CDKAL1: variants seen among roughly 807,000 people sequenced by gnomAD.
CDKAL1 encodes threonylcarbamoyladenosine tRNA methylthiotransferase.
A neutral mutation model predicts 68.2 loss-of-function variants in CDKAL1; 32 were observed. The ratio of observed to expected loss-of-function variants is 0.47; its 90% confidence interval spans 0.35 to 0.63. CDKAL1 has a LOEUF of 0.63. Ranked by LOEUF, CDKAL1 falls within the 30% of genes least tolerant of loss-of-function variation. CDKAL1 has a pLI of 0.00. For missense variants in CDKAL1, 606 were observed against 696.7 expected (o/e 0.87, Z 1.47); for synonymous variants, 234 against 244.3 (o/e 0.96, Z 0.39).
intron 9 of CDKAL1, among the ~76,000 whole-genome samples, chr6:20,951,446 A>G (rs2150718988): frequency 6.6e-6 from 1 of 152,274 alleles, no homozygotes. Flanking sequence ...TAGGTCTTCT[A>G]CTTCCGTCTC....
chr6:20,860,420 T>C (rs1302456336), intron 9 of CDKAL1, among the ~76,000 whole-genome samples: 1 of 152,230 alleles, frequency 6.6e-6, no homozygotes, highest in East Asian at 1.9e-4. Flanking sequence ...CATTTATCTG[T>C]TTATTCATTT....
chr6:20,844,983 A>G (rs1778323764), intron 8 of CDKAL1, among the ~76,000 whole-genome samples: 1 of 152,230 alleles, frequency 6.6e-6, no homozygotes, highest in Non-Finnish European at 1.5e-5. Flanking sequence ...GGTCGGTTAA[A>G]TAGTTAAACA....
chr6:20,729,758 A>C (rs569897000), intron 5 of CDKAL1, among the ~76,000 whole-genome samples: 1 of 152,320 alleles, frequency 6.6e-6, no homozygotes, highest in African/African-American at 2.4e-5. Context: ...AGCCTGGCTT[A>C]AGTCTGGGTG....
intron 4 of CDKAL1, among the ~76,000 whole-genome samples, chr6:20,563,395 G>C (rs1015597490): frequency 2.1e-5 from 3 of 143,574 alleles, no homozygotes; most frequent in African/African-American, 4.9e-5. Flanking sequence ...AATTAAGCCA[G>C]AGAAGCTTTA....
At chr6:20,963,396 G>C (rs188912603) in intron 10 of CDKAL1, among the ~76,000 whole-genome samples, 76 of 151,760 alleles carry the variant, frequency 5.0e-4, no homozygotes, top group African/African-American at 1.8e-3. Context: ...CCTTGTCCAG[G>C]CCTCAGCCCC....
chr6:20,763,361 G>A (rs1419496504), intron 7 of CDKAL1, among the ~76,000 whole-genome samples: 1 of 152,136 alleles, frequency 6.6e-6, no homozygotes, highest in Non-Finnish European at 1.5e-5. Context: ...GTTGTTGCTA[G>A]CCTCAGAGTA....
chr6:20,835,064 T>C (rs530906134), intron 8 of CDKAL1, among the ~76,000 whole-genome samples: 1 of 152,266 alleles, frequency 6.6e-6, no homozygotes, highest in African/African-American at 2.4e-5. Flanking sequence ...TGAAAACCAA[T>C]TTATCCTGCA....
At chr6:21,193,845 CT>C (rs1778358356) in intron 13 of CDKAL1, among the ~76,000 whole-genome samples, 1 of 152,220 alleles carries the variant, frequency 6.6e-6, no homozygotes, top group African/African-American at 2.4e-5. Context: ...TTAAACATTT[CT>C]GCTGAACAAT....
rs937160598 is a variant in CDKAL1, at chr6:20,943,334, AAAAAAAAAAAG to A, written c.743-12079_743-12069del. On this transcript the variant is annotated intron_variant, in intron 9 of 15. Coordinates refer to ENST00000274695, the MANE Select transcript of CDKAL1 (RefSeq NM_017774.3). ...CCTCATTACCTTGTTTTTTCAAAAA[AAAAAAAAAAAG>A]AAAAAGAAAAAAAGAAAAAAAAAGT... Among the ~76,000 whole-genome samples, 21 of 87,150 alleles carry A rather than the reference AAAAAAAAAAAG, an allele frequency of 2.4e-4. No individual in the cohort carries two copies. The East Asian group carries it at 0.014, about 57-fold the overall frequency. 57.2% of individuals were successfully genotyped at this position (87,150 alleles called of 152,430 possible).
At chr6:20,685,274 T>C (rs1302269553) in intron 5 of CDKAL1, among the ~76,000 whole-genome samples, 1 of 152,248 alleles carries the variant, frequency 6.6e-6, no homozygotes, top group Non-Finnish European at 1.5e-5. Flanking sequence ...TACCATCATA[T>C]TGCTTTCGCT....
In CDKAL1 at chr6:21,230,903, C is replaced by T. The variant is rs1779948654; in HGVS notation, c.1604C>T (p.Ala535Val). The change falls in exon 16 of 16, where the codon GCA becomes GTA. Residue 535 changes from alanine to valine, a missense_variant. Ala to Val is a moderately conservative substitution (Grantham distance 64). Coordinates refer to ENST00000274695, the MANE Select transcript of CDKAL1 (RefSeq NM_017774.3). ...QLSSGSHTSA[A>V]SQCDSASSRM... is the part of the protein sequence containing the mutation. Reference sequence around the variant, plus strand: ...AGTTCAGGATCCCACACCTCTGCTGCATCTCAGTGTGACTCAGCGAGTTCC... The same window carrying T: ...AGTTCAGGATCCCACACCTCTGCTGTATCTCAGTGTGACTCAGCGAGTTCC... 6.2e-7 allele frequency: 1 copy of T among 1,613,796 alleles called. No homozygotes were observed. Among genetic ancestry groups the T allele is most frequent in the African/African-American group, 1.3e-5 (1 of 74,940 alleles).
intron 6 of CDKAL1, among the ~76,000 whole-genome samples, chr6:20,749,535 ATTTTCTTTTTTTTC>A (rs1193869796): frequency 4.0e-5 from 6 of 148,574 alleles, no homozygotes; most frequent in Non-Finnish European, 7.4e-5. Context: ...CTAATCCCAG[ATTTTCTTTTTTTTC>A]TTTTCTTTTT....
At chr6:20,713,265 G>C (rs909737026) in intron 5 of CDKAL1, among the ~76,000 whole-genome samples, 4 of 152,144 alleles carry the variant, frequency 2.6e-5, no homozygotes, top group Non-Finnish European at 5.9e-5. Flanking sequence ...TTAGAAAAGA[G>C]CTTACACTAA....
At chr6:21,191,718 T>C (rs1327599904) in intron 13 of CDKAL1, among the ~76,000 whole-genome samples, 2 of 151,346 alleles carry the variant, frequency 1.3e-5, no homozygotes, top group Non-Finnish European at 2.9e-5. Flanking sequence ...TTTGTCTGTC[T>C]AGGGGAATAC....
chr6:20,607,516 T>C (rs1313328688), intron 4 of CDKAL1, among the ~76,000 whole-genome samples: 1 of 151,968 alleles, frequency 6.6e-6, no homozygotes, highest in Non-Finnish European at 1.5e-5. Flanking sequence ...AATAACACTA[T>C]AAAAACAGAG....
At chr6:20,662,092 A>G (rs1020344806) in intron 5 of CDKAL1, among the ~76,000 whole-genome samples, 1 of 152,158 alleles carries the variant, frequency 6.6e-6, no homozygotes, top group African/African-American at 2.4e-5. Context: ...AGAGAAAAAA[A>G]GGCTCTTGTT....
At chr6:20,992,738 G>GA (rs1766897737) in intron 10 of CDKAL1, among the ~76,000 whole-genome samples, 2 of 151,506 alleles carry the variant, frequency 1.3e-5, no homozygotes, top group African/African-American at 2.4e-5. Flanking sequence ...CCCGTCTCTA[G>GA]GAAAAATGTA....
At chr6:21,024,349 A>T (rs956234154) in intron 11 of CDKAL1, among the ~76,000 whole-genome samples, 4 of 152,228 alleles carry the variant, frequency 2.6e-5, no homozygotes, top group South Asian at 2.1e-4. Context: ...TAAGATTTTT[A>T]AAAATGCAGC....
chr6:20,928,945 G>A (rs935643642), intron 9 of CDKAL1, among the ~76,000 whole-genome samples: 1 of 152,134 alleles, frequency 6.6e-6, no homozygotes. Flanking sequence ...TCGAGTCCTG[G>A]ATTCATAATA....
Sources: gnomAD v4.1 joint callset for allele counts (sites outside exome capture counted in the v4.1 genomes callset) on GRCh38, gnomAD v4.1.1 for gene constraint, MANE v1.5 for transcripts, NCBI Gene and HGNC (gene_info 2026-07-23, HGNC 2026-07-21) for gene names.